CFH: variants seen among roughly 807,000 people sequenced by gnomAD.
CFH encodes H factor 1 (complement).
CFH carries 53 observed loss-of-function variants against 147.3 expected under a neutral mutation model. The ratio of observed to expected loss-of-function variants is 0.36; its 90% CI spans 0.29 to 0.45. The LOEUF is 0.45. Among genes scored for constraint, CFH ranks in the 20% least tolerant of loss-of-function variants. CFH has a pLI of 1.00. For synonymous variants in CFH, 536 were observed against 489.4 expected (o/e 1.10, Z -1.26); for missense variants, 1,380 against 1,498.0 (o/e 0.92, Z 1.30).
At chr1:196,721,152 A>AT (rs1003498507) in intron 11 of CFH, among the ~76,000 whole-genome samples, 31 of 111,266 alleles carry the variant, frequency 2.8e-4, no homozygotes, top group Admixed American at 2.7e-3. Context: ...TGGGATTATT[A>AT]TTTTTTTTTC....
At chr1:196,719,855 C>A (rs2149105638) in intron 11 of CFH, among the ~76,000 whole-genome samples, 1 of 151,564 alleles carries the variant, frequency 6.6e-6, no homozygotes, top group South Asian at 2.1e-4. Flanking sequence ...ATTTGCCTTT[C>A]CATGTGAACT....
chr1:196,668,284 G>C (rs548045777), intron 1 of CFH, among the ~76,000 whole-genome samples: 70 of 152,190 alleles, frequency 4.6e-4, no homozygotes, highest in African/African-American at 1.6e-3. Context: ...GTTTGCTTAA[G>C]AATGTGTTTC....
chr1:196,716,193 T>G (rs985424958), intron 11 of CFH, among the ~76,000 whole-genome samples: 3 of 152,164 alleles, frequency 2.0e-5, no homozygotes, highest in Non-Finnish European at 4.4e-5. Flanking sequence ...TGAAAAGTTC[T>G]GAAGACCATT....
At chr1:196,705,915 T>C (rs1271310913) in intron 9 of CFH, among the ~76,000 whole-genome samples, 1 of 152,226 alleles carries the variant, frequency 6.6e-6, no homozygotes, top group Admixed American at 6.5e-5. Flanking sequence ...CTTTAAATCC[T>C]GCTAAATAAA....
rs374105830 is a variant in CFH, at chr1:196,658,825, A to C, written c.58+6650A>C. On this transcript the variant is annotated intron_variant, in intron 1 of 21. Transcript: ENST00000367429. Reference sequence around the variant, plus strand: ...GGTCTATTGATCCTCTTGACTTGGCATGTCAAAGTGCTGGGATTATAAGCA... The same window carrying C: ...GGTCTATTGATCCTCTTGACTTGGCCTGTCAAAGTGCTGGGATTATAAGCA... Among the ~76,000 whole-genome samples the C allele has an allele frequency of 2.0e-5, 3 of 152,164 alleles. No homozygotes were observed. The East Asian group carries it at 5.8e-4, about 29-fold the overall frequency.
chr1:196,735,907 G>A (rs1669391246), intron 15 of CFH, among the ~76,000 whole-genome samples: 1 of 151,964 alleles, frequency 6.6e-6, no homozygotes, highest in Admixed American at 6.6e-5. Context: ...CAAAATGTCA[G>A]ACACTTAAAA....
intron 9 of CFH, among the ~76,000 whole-genome samples, chr1:196,694,225 A>C (rs182579848): frequency 1.3e-5 from 2 of 152,110 alleles, no homozygotes; most frequent in Admixed American, 1.3e-4. Flanking sequence ...CTCATTGATC[A>C]ACTCTCACTT....
chr1:196,719,687 T>A (rs1252627782), intron 11 of CFH, among the ~76,000 whole-genome samples: 1 of 151,766 alleles, frequency 6.6e-6, no homozygotes, highest in African/African-American at 2.4e-5. Context: ...TAATATTTAG[T>A]AATGTTGCTG....
At chr1:196,686,952 A>G (rs1298696905) in intron 7 of CFH, among the ~76,000 whole-genome samples, 2 of 152,072 alleles carry the variant, frequency 1.3e-5, no homozygotes, top group Non-Finnish European at 2.9e-5. Context: ...TGTGTCATTG[A>G]ACAGTTTAAT....
chr1:196,723,247 T>C (rs956404352), intron 11 of CFH, among the ~76,000 whole-genome samples: 25 of 152,284 alleles, frequency 1.6e-4, no homozygotes, highest in African/African-American at 5.1e-4. Flanking sequence ...GATTTTTTTT[T>C]TCCCTTTGAG....
intron 2 of CFH, chr1:196,673,489 A>T (rs1474499917): frequency 2.6e-6 from 1 of 377,574 alleles, no homozygotes; most frequent in Non-Finnish European, 4.9e-6. Context: ...GGCACGTGCC[A>T]CCACGCCCGG....
chr1:196,672,406 A>G lies in CFH; in HGVS notation c.59-572A>G, dbSNP rs553570884. On this transcript the variant is annotated intron_variant, in intron 1 of 21. Coordinates refer to ENST00000367429, the MANE Select transcript of CFH (RefSeq NM_000186.4). ...GTTGTTGTTCCAATTTGGAGTAGAA[A>G]CATTGTTCTTTTCCATCCTATTCTA... Among the ~76,000 whole-genome samples the G allele has an allele frequency of 2.0e-5, 3 of 152,306 alleles. No homozygotes were observed. The East Asian group carries it at 5.8e-4, about 29-fold the overall frequency.
At chr1:196,723,932 C>T (rs560067784) in intron 11 of CFH, among the ~76,000 whole-genome samples, 2 of 151,986 alleles carry the variant, frequency 1.3e-5, no homozygotes, top group African/African-American at 2.4e-5. Context: ...ATTGGATCCA[C>T]GGGACATGTT....
intron 6 of CFH, among the ~76,000 whole-genome samples, chr1:196,684,306 T>A (rs560722699): frequency 3.9e-5 from 6 of 152,128 alleles, no homozygotes; most frequent in African/African-American, 1.4e-4. Flanking sequence ...AGACATTTTA[T>A]CTGGCCCTTT....
intron 6 of CFH, among the ~76,000 whole-genome samples, chr1:196,680,076 T>C (rs576031169): frequency 2.8e-4 from 43 of 151,994 alleles, no homozygotes; most frequent in African/African-American, 7.7e-4. Context: ...GTGAGGACTA[T>C]AATAGACTTC....
rs1039394778 is a variant in CFH at position 196,685,539 on chromosome 1, T to C, written c.964+302T>C. Reference sequence around the variant, plus strand: ...ATACTATATTAGTTATTTATTGCATTGTAACAAAATACCCCAAAAACATAT... The same window carrying C: ...ATACTATATTAGTTATTTATTGCATCGTAACAAAATACCCCAAAAACATAT... On this transcript the variant is annotated intron_variant, in intron 7 of 21. Transcript: ENST00000367429. 2.0e-5 allele frequency among the ~76,000 whole-genome samples: 3 copies of C among 152,110 alleles called. No homozygotes were observed. The East Asian group carries it at 5.8e-4, about 29-fold the overall frequency.
intron 9 of CFH, among the ~76,000 whole-genome samples, chr1:196,712,016 A>G (rs1301461099): frequency 6.6e-6 from 1 of 152,010 alleles, no homozygotes; most frequent in Non-Finnish European, 1.5e-5. Flanking sequence ...TGTTTCTTCT[A>G]CTCAGCAAGT....
chr1:196,672,843 GGAGAGAGAGA>G lies in CFH; in HGVS notation c.59-122_59-113del. The G allele has an allele frequency of 1.3e-5, 8 of 607,568 alleles. No homozygotes were observed. In the South Asian group the frequency reaches 1.5e-4, roughly 11 times the overall value. The allele number at this position is 607,568 out of a possible 1,614,324, so 37.6% of individuals were successfully genotyped here. ...TGTTTACTCCATAGATATGGGGTTA[GGAGAGAGAGA>G]GAGAGAGAGAGAAATTTAGATAGAC... On this transcript the variant is annotated intron_variant, in intron 1 of 21. Transcript: ENST00000367429.
At chr1:196,679,964 C>T (rs1667593210) in intron 6 of CFH, among the ~76,000 whole-genome samples, 171 bp downstream of exon 6, 3 of 151,686 alleles carry the variant, frequency 2.0e-5, no homozygotes, top group Non-Finnish European at 2.9e-5. Flanking sequence ...GAGTACACTT[C>T]GTACGATACA....
Sources: allele counts gnomAD v4.1 joint callset (sites outside exome capture counted in the v4.1 genomes callset), GRCh38; gene constraint gnomAD v4.1.1; transcripts MANE v1.5; gene names NCBI Gene and HGNC (gene_info 2026-07-23, HGNC 2026-07-21).